TNFAIP6: variants seen among roughly 807,000 people sequenced by gnomAD.
The protein encoded by TNFAIP6 is TNF alpha induced protein 6.
In TNFAIP6, 36 loss-of-function variants were observed where a neutral mutation model predicts 33.7. That is an observed-to-expected ratio of 1.07 (90% CI 0.82 to 1.41). TNFAIP6 has a LOEUF of 1.41. TNFAIP6 is among the 40% of genes most tolerant of loss of function. TNFAIP6 has a pLI of 0.00. For synonymous variants in TNFAIP6, 113 were observed against 112.8 expected, an observed-to-expected ratio of 1.00 and a Z score of -0.01; for missense variants, 273 against 331.9, an observed-to-expected ratio of 0.82 and a Z score of 1.38.
Position 151,357,624 on chromosome 2 carries a change from T to A in TNFAIP6, c.-43T>A, listed in dbSNP as rs370979931. The A allele has an allele frequency of 1.6e-6, 2 of 1,242,148 alleles. No homozygotes were observed. The highest frequency in any genetic ancestry group is 2.4e-6 in the Non-Finnish European group (2 of 842,876). 76.9% of individuals were successfully genotyped at this position (1,242,148 alleles called of 1,614,324 possible). On this transcript the variant is annotated 5_prime_UTR_variant, in exon 1 of 6. Transcript: ENST00000243347. ...TTTCAGCCACTGCTCTGAGAATTTG[T>A]GAGCAGCCCCTAACAGGCTGTTACT...
chr2:151,364,230 C>G lies in TNFAIP6; in HGVS notation c.232+150C>G, dbSNP rs1003991269. The G allele has an allele frequency of 3.7e-5, 38 of 1,024,480 alleles. No homozygotes were observed. In the Admixed American group the frequency reaches 9.3e-4, roughly 25 times the overall value. 63.5% of individuals were successfully genotyped at this position (1,024,480 alleles called of 1,614,324 possible). On this transcript the variant is annotated intron_variant, in intron 2 of 5. Transcript: ENST00000243347. ...ATTTCTGCTCTCTGACTTCTCCTAT[C>G]CATCTGCCTAGAGTTGGCAGACAGT...
rs972178291 is a variant in TNFAIP6, at chr2:151,379,304, T to C, written c.665-60T>C. ...CCTATGAGAATGAAGAGTCTTTGAA[T>C]TGTCAGCCAAATCAAAGGAGAGTAA... On this transcript the variant is annotated intron_variant, in intron 5 of 5. Coordinates refer to ENST00000243347, the MANE Select transcript of TNFAIP6 (RefSeq NM_007115.4). 24 of 1,455,578 alleles carry C rather than the reference T, an allele frequency of 1.6e-5. No homozygotes were observed. The South Asian group carries it at 3.2e-4, about 19-fold the overall frequency. 90.2% of individuals were successfully genotyped at this position (1,455,578 alleles called of 1,614,324 possible).
At chr2:151,380,797 G>A (rs980992042), downstream of TNFAIP6, among the ~76,000 whole-genome samples, 11 of 152,108 alleles carry the variant, frequency 7.2e-5, no homozygotes, top group Admixed American at 3.9e-4. Flanking sequence ...AACTAATTTC[G>A]GGTTGGTGGT....
intron 1 of TNFAIP6, 25 bp from the exon 2 acceptor site, chr2:151,363,918 T>C: frequency 6.2e-7 from 1 of 1,610,298 alleles, no homozygotes; most frequent in Non-Finnish European, 8.5e-7. Flanking sequence ...CAACAGTGCT[T>C]TTATGACATC....
At chr2:151,375,622 C>T (rs943115018) in intron 5 of TNFAIP6, among the ~76,000 whole-genome samples, 12 of 151,728 alleles carry the variant, frequency 7.9e-5, no homozygotes, top group Non-Finnish European at 1.3e-4. Context: ...GCAGGAGAAT[C>T]GCTTGAACCT....
At chr2:151,362,786 G>A (rs1187991232) in intron 1 of TNFAIP6, among the ~76,000 whole-genome samples, 1 of 151,970 alleles carries the variant, frequency 6.6e-6, no homozygotes, top group African/African-American at 2.4e-5. Context: ...CACCACGCCC[G>A]GCCTAAATTC....
At chr2:151,368,108 G>A (rs1329615662) in intron 3 of TNFAIP6, among the ~76,000 whole-genome samples, 1 of 151,952 alleles carries the variant, frequency 6.6e-6, no homozygotes, top group African/African-American at 2.4e-5. Flanking sequence ...AGCTGGCAAT[G>A]TACATCCTTA....
At chr2:151,373,821 G>A (rs1684855041) in intron 5 of TNFAIP6, 1 of 280,276 alleles carries the variant, frequency 3.6e-6, no homozygotes, top group Non-Finnish European at 6.5e-6. Context: ...TGCTGAAAAT[G>A]TAATGTATCT....
At chr2:151,361,115 G>C (rs1219453285) in intron 1 of TNFAIP6, among the ~76,000 whole-genome samples, 1 of 151,732 alleles carries the variant, frequency 6.6e-6, no homozygotes, top group African/African-American at 2.4e-5. Context: ...TCACTCTGTC[G>C]CCCAGGCTGG....
downstream of TNFAIP6, among the ~76,000 whole-genome samples, chr2:151,381,028 G>A (rs1573789600): frequency 2.0e-5 from 3 of 152,318 alleles, no homozygotes; most frequent in East Asian, 5.8e-4. Context: ...GGGATGTTGG[G>A]ACTCAGACGA....
chr2:151,363,166 A>C (rs1259235737), intron 1 of TNFAIP6, among the ~76,000 whole-genome samples: 1 of 151,926 alleles, frequency 6.6e-6, no homozygotes, highest in Non-Finnish European at 1.5e-5. Flanking sequence ...AAATACAAAA[A>C]TTAGCTGATT....
downstream of TNFAIP6, among the ~76,000 whole-genome samples, chr2:151,381,315 A>C (rs1369526006): frequency 6.6e-6 from 1 of 152,082 alleles, no homozygotes; most frequent in Admixed American, 6.6e-5. Flanking sequence ...TATGAAAAAA[A>C]TTTTAAATTA....
chr2:151,379,081 C>G (rs1306220539), intron 5 of TNFAIP6, among the ~76,000 whole-genome samples: 1 of 152,032 alleles, frequency 6.6e-6, no homozygotes, highest in African/African-American at 2.4e-5. Context: ...GCCTGGGCAA[C>G]AGAGTGAGTG....
chr2:151,360,100 C>A (rs960190479), intron 1 of TNFAIP6, among the ~76,000 whole-genome samples: 1 of 152,102 alleles, frequency 6.6e-6, no homozygotes, highest in South Asian at 2.1e-4. Flanking sequence ...ATTAAAAAGA[C>A]CAGCCTGGGC....
intron 5 of TNFAIP6, among the ~76,000 whole-genome samples, chr2:151,374,276 C>T (rs1573785580): frequency 6.6e-6 from 1 of 152,138 alleles, no homozygotes. Flanking sequence ...AGAAATGTAC[C>T]TCAAGAAATG....
At chr2:151,363,647 G>C (rs911533252) in intron 1 of TNFAIP6, among the ~76,000 whole-genome samples, 1 of 152,092 alleles carries the variant, frequency 6.6e-6, no homozygotes, top group Admixed American at 6.5e-5. Context: ...GGGAGACAGA[G>C]AGACTCCGTC....
In TNFAIP6 at chr2:151,366,179, G is replaced by A; in HGVS notation, c.356G>A (p.Arg119Lys). Residue 119 changes from arginine (R) to lysine (K), a missense_variant, in exon 3 of 6, where the codon AGG becomes AAG. Transcript: ENST00000243347. ...GIIDYGIRLNRSERWDAYCYN... is the reference protein window; with the variant it reads ...GIIDYGIRLNKSERWDAYCYN... Reference sequence around the variant, plus strand: ...ATTGATTATGGAATCCGTCTCAATAGGAGTGAAAGATGGGATGCCTATTGC... The same window carrying A: ...ATTGATTATGGAATCCGTCTCAATAAGAGTGAAAGATGGGATGCCTATTGC... 1 of 1,614,120 alleles carries A rather than the reference G, an allele frequency of 6.2e-7. No individual in the cohort carries two copies. The highest frequency in any genetic ancestry group is 8.5e-7 in the Non-Finnish European group (1 of 1,180,006).
chr2:151,364,359 C>T (rs957718430), intron 2 of TNFAIP6, among the ~76,000 whole-genome samples: 7 of 152,122 alleles, frequency 4.6e-5, no homozygotes, highest in African/African-American at 1.7e-4. Flanking sequence ...ATTTAAATTT[C>T]TCATTAATTT....
intron 3 of TNFAIP6, among the ~76,000 whole-genome samples, chr2:151,367,994 T>C (rs1180546258): frequency 6.6e-6 from 1 of 152,100 alleles, no homozygotes; most frequent in Non-Finnish European, 1.5e-5. Flanking sequence ...TAAATAAATA[T>C]AGCCAAATAG....
Sources: gnomAD v4.1 joint callset for allele counts (sites outside exome capture counted in the v4.1 genomes callset) on GRCh38, gnomAD v4.1.1 for gene constraint, MANE v1.5 for transcripts, NCBI Gene and HGNC (gene_info 2026-07-23, HGNC 2026-07-21) for gene names.